Variants in NT5E observed in about 807,000 individuals in gnomAD.
NT5E encodes the protein 5'-nucleotidase.
In NT5E, 53 loss-of-function variants were observed where a neutral mutation model predicts 55.1. That is an observed-to-expected ratio of 0.96 (90% CI 0.77 to 1.21). The LOEUF (loss-of-function observed/expected upper bound fraction) is 1.21. Among genes scored for constraint, NT5E ranks in the 50% most tolerant of loss-of-function variants. The pLI is 0.00. For missense variants in NT5E, 683 were observed against 724.3 expected, an observed-to-expected ratio of 0.94 and a Z score of 0.65; for synonymous variants, 270 against 278.4, an observed-to-expected ratio of 0.97 and a Z score of 0.30.
chr6:85,487,615 AG>A, intron 5 of NT5E, 126 bp downstream of exon 5: 1 of 1,319,592 alleles, frequency 7.6e-7, no homozygotes, highest in East Asian at 2.3e-5. Flanking sequence ...ATTTTTAGCC[AG>A]GGTGGTGGCA....
chr6:85,479,031 G>A (rs1769490873), intron 3 of NT5E, among the ~76,000 whole-genome samples: 1 of 151,996 alleles, frequency 6.6e-6, no homozygotes, highest in African/African-American at 2.4e-5. Flanking sequence ...TAAGGCGGTA[G>A]GACTATGAAT....
In NT5E at chr6:85,492,179, T is replaced by C; in HGVS notation, c.1561+2T>C. On this transcript the variant is annotated splice_donor_variant, in intron 8 of 8. Coordinates refer to ENST00000257770, the MANE Select transcript of NT5E (RefSeq NM_002526.4). LOFTEE classifies it high-confidence loss of function. ...ATGAATTATTAAGACATGACTCTGG[T>C]AAGCATGACTGTCTCTTCCTTTCTC... 6.2e-7 allele frequency: 1 copy of C among 1,613,418 alleles called. No individual in the cohort carries two copies. The highest frequency in any genetic ancestry group is 1.1e-5 in the South Asian group (1 of 91,070).
At position 85,450,146 on chromosome 6, in the gene NT5E, C is replaced by T. The variant is rs748501863; in HGVS notation, c.7C>T (p.Pro3Ser). 10 of 1,576,040 alleles carry T rather than the reference C, an allele frequency of 6.3e-6. No individual in the cohort carries two copies. Among genetic ancestry groups the T allele is most frequent in the Middle Eastern group, 3.6e-4 (2 of 5,542 alleles). Residue 3 changes from proline (P) to serine (S), a missense_variant, in exon 1 of 9, where the codon CCC (proline) becomes TCC (serine). Coordinates refer to ENST00000257770, the MANE Select transcript of NT5E (RefSeq NM_002526.4). The surrounding 1 kb of genome is among the most constrained non-coding windows in gnomAD (Gnocchi z 4.0). ...CAGTTCACGCGCCACAGCTATGTGT[C>T]CCCGAGCCGCGCGGGCGCCCGCGAC... is the stretch of plus-strand genomic sequence containing the variant. MCPRAARAPATLL... is the reference protein window; with the variant it reads MCSRAARAPATLL...
chr6:85,490,500 AC>A lies in NT5E; in HGVS notation c.1211-5del. 6.2e-7 allele frequency: 1 copy of A among 1,614,046 alleles called. No homozygotes were observed. The highest frequency in any genetic ancestry group is 1.3e-5 in the African/African-American group (1 of 75,006). ...TTTCCTTCTTGCCTCATCTGTGACT[AC>A]CCTCAGGCACAATTACCTGGGAGAA... On this transcript the variant is annotated splice_polypyrimidine_tract_variant and splice_region_variant and intron_variant, in intron 6 of 8. Transcript: ENST00000257770.
intron 2 of NT5E, among the ~76,000 whole-genome samples, chr6:85,468,214 T>C (rs570980313): frequency 6.6e-6 from 1 of 152,284 alleles, no homozygotes; most frequent in South Asian, 2.1e-4. Flanking sequence ...TCCAGGCCAT[T>C]GGAAACAACA....
intron 1 of NT5E, among the ~76,000 whole-genome samples, chr6:85,457,080 A>G (rs1395522102): frequency 6.6e-6 from 1 of 152,196 alleles, no homozygotes; most frequent in African/African-American, 2.4e-5. Context: ...TGAGGGTTCA[A>G]GCACCAGGCA....
intron 1 of NT5E, among the ~76,000 whole-genome samples, chr6:85,465,087 CA>C (rs1769164152): frequency 1.3e-5 from 2 of 152,150 alleles, no homozygotes; most frequent in Non-Finnish European, 2.9e-5. Context: ...GGAATGAGAT[CA>C]TTTACTCAGT....
At chr6:85,470,349 A>G (rs1769279819) in intron 2 of NT5E, among the ~76,000 whole-genome samples, 1 of 152,228 alleles carries the variant, frequency 6.6e-6, no homozygotes, top group South Asian at 2.1e-4. Flanking sequence ...AGTAATAAGC[A>G]CCCAGGGAAG....
intron 1 of NT5E, among the ~76,000 whole-genome samples, chr6:85,456,143 C>T (rs1418950368): frequency 6.6e-6 from 1 of 152,154 alleles, no homozygotes; most frequent in African/African-American, 2.4e-5. Flanking sequence ...TTCATGAAGA[C>T]CCCTAAACAA....
chr6:85,492,490 T>G (rs1233485955), intron 8 of NT5E, among the ~76,000 whole-genome samples: 1 of 152,244 alleles, frequency 6.6e-6, no homozygotes, highest in Non-Finnish European at 1.5e-5. Flanking sequence ...AACAGAAATA[T>G]CACACCTCTG....
chr6:85,467,205 A>C lies in NT5E; in HGVS notation c.485A>C (p.Lys162Thr), dbSNP rs1769214695. ...SQISGLYLPY[K>T]VLPVGDEVVG... ...ATATCAGGACTTTATTTGCCATATA[A>C]AGTTCTTCCTGTTGGTGATGAAGTT... is the stretch of plus-strand genomic sequence containing the variant. Residue 162 changes from lysine to threonine, a missense_variant, in exon 2 of 9, where the codon AAA (lysine) becomes ACA (threonine). Coordinates refer to ENST00000257770, the MANE Select transcript of NT5E (RefSeq NM_002526.4). 6.2e-7 allele frequency: 1 copy of C among 1,614,128 alleles called. No homozygotes were observed. The highest frequency in any genetic ancestry group is 1.3e-5 in the African/African-American group (1 of 75,022).
intron 5 of NT5E, 127 bp downstream of exon 5, chr6:85,487,616 G>C: frequency 7.6e-7 from 1 of 1,312,776 alleles, no homozygotes; most frequent in Admixed American, 1.7e-5. Context: ...TTTTTAGCCA[G>C]GGTGGTGGCA....
chr6:85,474,838 G>A (rs1279523062), intron 3 of NT5E, among the ~76,000 whole-genome samples: 1 of 152,142 alleles, frequency 6.6e-6, no homozygotes. Context: ...GGAGGCTGAG[G>A]TGGGAGAATT....
chr6:85,491,838 T>A, intron 7 of NT5E, 139 bp from the exon 8 acceptor site: 1 of 755,242 alleles, frequency 1.3e-6, no homozygotes, highest in East Asian at 2.6e-5. Context: ...GTCACAATTC[T>A]CTTGACAAAA....
At chr6:85,487,974 A>G (rs533470566) in intron 5 of NT5E, among the ~76,000 whole-genome samples, 107 of 152,274 alleles carry the variant, frequency 7.0e-4, no homozygotes, top group African/African-American at 2.5e-3. Flanking sequence ...AAACTCTGCT[A>G]CCCTGGAGAT....
intron 3 of NT5E, among the ~76,000 whole-genome samples, chr6:85,474,417 T>C (rs1371064343): frequency 6.6e-6 from 1 of 152,218 alleles, no homozygotes; most frequent in East Asian, 1.9e-4. Context: ...TAGATAAATT[T>C]AGTTAATGAT....
At position 85,467,086 on chromosome 6, in the gene NT5E, T is replaced by G. The variant is rs777702821; in HGVS notation, c.366T>G (p.Asn122Lys). The G allele has an allele frequency of 2.5e-6, 4 of 1,613,990 alleles. No homozygotes were observed. The African/African-American group carries it at 5.3e-5, about 22-fold the overall frequency. ...CACTGGGAAATCATGAATTTGATAA[T>G]GGTGTGGAAGGACTGATCGAGCCAC... ...AMALGNHEFD[N>K]GVEGLIEPLL... The change falls in exon 2 of 9, where the codon AAT becomes AAG. Residue 122 changes from asparagine to lysine, a missense_variant. Asn to Lys is a moderately conservative substitution (Grantham distance 94). Transcript: ENST00000257770.
chr6:85,481,010 C>A (rs1401787131), intron 3 of NT5E, among the ~76,000 whole-genome samples: 1 of 152,114 alleles, frequency 6.6e-6, no homozygotes, highest in Non-Finnish European at 1.5e-5. Flanking sequence ...ATTGAGGGGA[C>A]CTGGGGTAAA....
chr6:85,474,808 C>A (rs1387463112), intron 3 of NT5E, among the ~76,000 whole-genome samples: 1 of 152,002 alleles, frequency 6.6e-6, no homozygotes, highest in African/African-American at 2.4e-5. Flanking sequence ...GGGGCATATG[C>A]CTGTAGTCCC....
Sources: gnomAD v4.1 joint callset for allele counts (sites outside exome capture counted in the v4.1 genomes callset) on GRCh38, gnomAD v4.1.1 for gene constraint, Gnocchi (gnomAD v3.1) non-coding constraint, MANE v1.5 for transcripts, NCBI Gene and HGNC (gene_info 2026-07-23, HGNC 2026-07-21) for gene names.